SORCS1: variants seen among roughly 807,000 people sequenced by gnomAD.
The protein encoded by SORCS1 is sortilin related VPS10 domain containing receptor 1, also known as VPS10 domain-containing receptor SorCS1.
In SORCS1, 60 loss-of-function variants were observed where a neutral mutation model predicts 146.1. The observed-to-expected ratio is 0.41, with a 90% CI of 0.33 to 0.51. The LOEUF is 0.51. SORCS1 is among the 20% of genes least tolerant of loss of function. SORCS1 has a pLI of 0.21. For missense variants in SORCS1, 1,352 were observed against 1,487.6 expected (o/e 0.91, Z 1.50); for synonymous variants, 637 against 584.0 (o/e 1.09, Z -1.31).
chr10:106,694,350 C>T (rs1179758449), intron 9 of SORCS1, among the ~76,000 whole-genome samples: 2 of 152,192 alleles, frequency 1.3e-5, no homozygotes, highest in African/African-American at 4.8e-5. Flanking sequence ...ACCTCCACCT[C>T]ATGGGTGCAA....
At chr10:106,776,490 G>A (rs148023968) in intron 4 of SORCS1, 44 bp downstream of exon 4, 634 of 1,606,598 alleles carry the variant, frequency 3.9e-4, no homozygotes, top group Middle Eastern at 6.6e-4. Context: ...TATTTTCCCC[G>A]GAGAACCATG....
chr10:106,989,281 A>G (rs1213291683), intron 1 of SORCS1, among the ~76,000 whole-genome samples: 5 of 135,816 alleles, frequency 3.7e-5, no homozygotes, highest in Non-Finnish European at 5.0e-5. Context: ...GAAAAAAAAA[A>G]AAAAAAAAAA....
At chr10:107,142,214 G>C (rs1312237312) in intron 1 of SORCS1, among the ~76,000 whole-genome samples, 2 of 152,142 alleles carry the variant, frequency 1.3e-5, no homozygotes, top group African/African-American at 4.8e-5. Flanking sequence ...TTGCGAGGAG[G>C]AAATGATATT....
chr10:106,952,778 C>G (rs1027506785), intron 2 of SORCS1, among the ~76,000 whole-genome samples: 1 of 151,014 alleles, frequency 6.6e-6, no homozygotes, highest in African/African-American at 2.4e-5. Flanking sequence ...GAGCTCAAAA[C>G]CAGTTTGAGT....
chr10:106,777,183 G>C (rs1187466728), intron 3 of SORCS1, among the ~76,000 whole-genome samples: 1 of 152,084 alleles, frequency 6.6e-6, no homozygotes, highest in Non-Finnish European at 1.5e-5. Flanking sequence ...TCCAAACTTA[G>C]CCTGATTTTC....
chr10:107,068,851 C>A (rs563929233), intron 1 of SORCS1, among the ~76,000 whole-genome samples: 2 of 137,156 alleles, frequency 1.5e-5, no homozygotes, highest in Non-Finnish European at 3.0e-5. Flanking sequence ...GCCTGGGCAA[C>A]AGAGCGAGAC....
At chr10:106,674,178 A>C (rs896181001) in intron 14 of SORCS1, among the ~76,000 whole-genome samples, 4 of 149,764 alleles carry the variant, frequency 2.7e-5, no homozygotes, top group Middle Eastern at 6.9e-3. Flanking sequence ...ATTATAAAAA[A>C]ATTACCCGGG....
chr10:106,684,263 AG>A (rs1484201236), intron 10 of SORCS1, among the ~76,000 whole-genome samples: 1 of 152,164 alleles, frequency 6.6e-6, no homozygotes, highest in Admixed American at 6.5e-5. Context: ...ACTTGAATCC[AG>A]GAGGCAGAGG....
At chr10:107,013,394 C>G (rs548946359) in intron 1 of SORCS1, among the ~76,000 whole-genome samples, 7 of 152,078 alleles carry the variant, frequency 4.6e-5, no homozygotes, top group African/African-American at 1.7e-4. Flanking sequence ...GAGATGGAAC[C>G]TGACACCAAG....
intron 19 of SORCS1, among the ~76,000 whole-genome samples, chr10:106,626,100 T>TC (rs1848093144): frequency 6.6e-6 from 1 of 152,174 alleles, no homozygotes; most frequent in Non-Finnish European, 1.5e-5. Context: ...TCTTTTTTTT[T>TC]CAAACCCTCT....
chr10:107,070,462 A>G (rs969067658), intron 1 of SORCS1, among the ~76,000 whole-genome samples: 140 of 152,318 alleles, frequency 9.2e-4, no homozygotes, highest in African/African-American at 3.0e-3. Flanking sequence ...AGAGTTAATG[A>G]AAAATAACAG....
chr10:106,899,428 A>G (rs1337996397), intron 2 of SORCS1, among the ~76,000 whole-genome samples: 1 of 152,192 alleles, frequency 6.6e-6, no homozygotes, highest in Non-Finnish European at 1.5e-5. Context: ...TCCCCTCAAA[A>G]GCGTCCAACT....
At chr10:106,652,253 A>G (rs1849919504) in intron 18 of SORCS1, 129 bp downstream of exon 18, 1 of 950,132 alleles carries the variant, frequency 1.1e-6, no homozygotes, top group South Asian at 2.4e-5. Flanking sequence ...AGGAACTAAA[A>G]GTAAAATAAA....
chr10:106,661,791 T>C (rs1392999967), intron 17 of SORCS1, among the ~76,000 whole-genome samples: 1 of 152,244 alleles, frequency 6.6e-6, no homozygotes, highest in African/African-American at 2.4e-5. Context: ...TTACTCACTT[T>C]TTCACCGAAC....
rs148028182 is a variant in SORCS1 at position 106,953,681 on chromosome 10, T to C, written c.626+2832A>G. On this transcript the variant is annotated intron_variant, in intron 2 of 25. Coordinates refer to ENST00000263054, the MANE Select transcript of SORCS1 (RefSeq NM_052918.5). ...TATGTAGGCATAAGGTACACCCTATTGTTCCAAGACTGCAAATCCATACAG... is the reference window on the plus strand; with the variant it reads ...TATGTAGGCATAAGGTACACCCTATCGTTCCAAGACTGCAAATCCATACAG... Among the ~76,000 whole-genome samples, 83 of 152,336 alleles carry C rather than the reference T, an allele frequency of 5.4e-4. 1 individual carries two copies. The East Asian group carries it at 0.015, about 28-fold the overall frequency.
intron 21 of SORCS1, among the ~76,000 whole-genome samples, chr10:106,612,355 C>T (rs1029748050): frequency 2.4e-5 from 3 of 126,386 alleles, no homozygotes; most frequent in African/African-American, 2.9e-5. Flanking sequence ...CCCCCCTTCT[C>T]CTTTCCTCTG....
chr10:107,142,074 A>T (rs1276510818), intron 1 of SORCS1, among the ~76,000 whole-genome samples: 1 of 152,148 alleles, frequency 6.6e-6, no homozygotes, highest in Admixed American at 6.5e-5. Context: ...CAATTTAATC[A>T]CTTTAATCTC....
rs1194230149 is a variant in SORCS1, at chr10:107,002,743, T to C, written c.559-46163A>G. ...AAGAGGCAACCGGTAGGTTCCATGA[T>C]TGTCTCTTCATAATGGAACAAGTCT... On this transcript the variant is annotated intron_variant, in intron 1 of 25. Transcript: ENST00000263054. Among the ~76,000 whole-genome samples, 3 of 152,084 alleles carry C rather than the reference T, an allele frequency of 2.0e-5. No homozygotes were observed. The East Asian group carries it at 5.8e-4, about 29-fold the overall frequency.
At chr10:106,941,759 G>T (rs562640943) in intron 2 of SORCS1, among the ~76,000 whole-genome samples, 1 of 152,322 alleles carries the variant, frequency 6.6e-6, no homozygotes, top group East Asian at 1.9e-4. Flanking sequence ...AGAGTAAGGA[G>T]CAGGGTAAAA....
Sources: gnomAD v4.1 joint callset for allele counts (sites outside exome capture counted in the v4.1 genomes callset) on GRCh38, gnomAD v4.1.1 for gene constraint, MANE v1.5 for transcripts, NCBI Gene and HGNC (gene_info 2026-07-23, HGNC 2026-07-21) for gene names.